The following ATRX variants were observed in gnomAD, a reference collection of about 807,000 sequenced individuals.
The protein encoded by ATRX is chromatin remodeler ATRX.
A neutral mutation model predicts 172.6 loss-of-function variants in ATRX; 12 were observed. The ratio of observed to expected loss-of-function variants is 0.07; its 90% confidence interval spans 0.04 to 0.11. ATRX has a LOEUF of 0.11. ATRX is among the 10% of genes least tolerant of loss of function. ATRX has a pLI of 1.00. For missense variants in ATRX, 1,368 were observed against 1,767.4 expected, an observed-to-expected ratio of 0.77 and a Z score of 4.05; for synonymous variants, 674 against 594.7, an observed-to-expected ratio of 1.13 and a Z score of -1.94.
rs375308293 is a variant in ATRX at position 77,540,976 on chromosome X, T to A, written c.6699+16475A>T. Among the ~76,000 whole-genome samples the A allele has an allele frequency of 2.8e-4, 31 of 110,995 alleles. 2 individuals carry two copies. Among genetic ancestry groups the A allele is most frequent in the Admixed American group, 2.2e-3 (23 of 10,333 alleles). On this transcript the variant is annotated intron_variant, in intron 30 of 34. Transcript: ENST00000373344. ...GAAATAACTAAGATCAGAGAAGAGC[T>A]GAAGGAGATAGAGACATAAAAAAAC...
chrX:77,522,395 A>C lies in ATRX; in HGVS notation c.6850-7T>G. Reference sequence around the variant, plus strand: ...TGAAACGCATGGTCAGTCCCTAAAAACAAAAAAATTATGCACTTTTCACAT... The same window carrying C: ...TGAAACGCATGGTCAGTCCCTAAAACCAAAAAAATTATGCACTTTTCACAT... On this transcript the variant is annotated splice_region_variant and splice_polypyrimidine_tract_variant and intron_variant, in intron 31 of 34. Transcript: ENST00000373344. The C allele has an allele frequency of 8.3e-7, 1 of 1,209,448 alleles. No individual in the cohort carries two copies. Among genetic ancestry groups the C allele is most frequent in the Non-Finnish European group, 1.1e-6 (1 of 893,838 alleles).
At position 77,506,717 on chromosome X, in the gene ATRX, G is replaced by A. The variant is rs1489469832; in HGVS notation, c.*1634C>T. 1 of 172,454 alleles carries A rather than the reference G, an allele frequency of 5.8e-6. No individual in the cohort carries two copies. The highest frequency in any genetic ancestry group is 1.1e-5 in the Non-Finnish European group (1 of 90,936). 14.2% of individuals were successfully genotyped at this position (172,454 alleles called of 1,213,427 possible). On this transcript the variant is annotated 3_prime_UTR_variant, in exon 35 of 35. Coordinates refer to ENST00000373344, the MANE Select transcript of ATRX (RefSeq NM_000489.6). ...TGGGAAAGTGGGGGAGAGGGGCGTGGATCCACCAAACCTCACAAATTCTGT... is the reference window on the plus strand; with the variant it reads ...TGGGAAAGTGGGGGAGAGGGGCGTGAATCCACCAAACCTCACAAATTCTGT...
chrX:77,589,922 G>A lies in ATRX; in HGVS notation c.6129C>T (p.Ser2043=), dbSNP rs2066172590. 1 of 1,206,168 alleles carries A rather than the reference G, an allele frequency of 8.3e-7. No individual in the cohort carries two copies. Among genetic ancestry groups the A allele is most frequent in the Middle Eastern group, 2.3e-4 (1 of 4,276 alleles). Reference sequence around the variant, plus strand: ...CTTCAATCAAGTCCAGAGATATGAGGGACTGGCTGAAAACAAGGCTAAAAA... The same window carrying A: ...CTTCAATCAAGTCCAGAGATATGAGAGACTGGCTGAAAACAAGGCTAAAAA... The part of the protein sequence containing the change: ...IGDKVLVFSQ[S]LISLDLIEDF... Residue 2043 remains serine (S), a synonymous_variant, in exon 27 of 35, where the codon TCC becomes TCT. Transcript: ENST00000373344.
At chrX:77,650,032 C>T (rs535745603) in intron 15 of ATRX, among the ~76,000 whole-genome samples, 54 of 112,241 alleles carry the variant, frequency 4.8e-4, no homozygotes, top group South Asian at 2.6e-3. Flanking sequence ...ATTCATGTAA[C>T]AGGAGACAAA....
intron 10 of ATRX, chrX:77,675,546 T>C (rs1557132946): frequency 9.0e-6 from 1 of 111,591 alleles, no homozygotes; most frequent in Admixed American, 9.5e-5. Context: ...TTGTTTTCCT[T>C]ATTCTTCACT....
chrX:77,580,298 A>G (rs1557073219), intron 27 of ATRX, among the ~76,000 whole-genome samples: 1 of 111,924 alleles, frequency 8.9e-6, no homozygotes, highest in East Asian at 2.8e-4. Context: ...GAAAGATACT[A>G]ATATTCAAGT....
intron 1 of ATRX, among the ~76,000 whole-genome samples, chrX:77,726,093 T>A (rs2074020315): frequency 1.8e-5 from 2 of 111,564 alleles, no homozygotes; most frequent in Admixed American, 9.5e-5. Context: ...GAACTAGAAA[T>A]ACCATTTGAC....
At chrX:77,766,680 G>T (rs1346245882) in intron 1 of ATRX, among the ~76,000 whole-genome samples, 3 of 104,367 alleles carry the variant, frequency 2.9e-5, no homozygotes, top group Non-Finnish European at 5.9e-5. Flanking sequence ...GGGAAAAGGC[G>T]CTCCTCACTT....
chrX:77,771,537 A>C (rs2076153226), intron 1 of ATRX, among the ~76,000 whole-genome samples: 1 of 109,742 alleles, frequency 9.1e-6, no homozygotes. Flanking sequence ...ACCACCTAGA[A>C]TATTTCCCCC....
At chrX:77,550,862 T>A (rs1351787095) in intron 30 of ATRX, among the ~76,000 whole-genome samples, 4 of 110,886 alleles carry the variant, frequency 3.6e-5, no homozygotes, top group Admixed American at 9.6e-5. Context: ...ACTCCCATTC[T>A]CAGTTGCTTC....
Position 77,623,075 on chromosome X carries a change from GAAACA to G in ATRX, c.5135-2548_5135-2544del, listed in dbSNP as rs782440629. Among the ~76,000 whole-genome samples the G allele has an allele frequency of 9.9e-5, 11 of 111,106 alleles. No individual in the cohort carries two copies. The East Asian group carries it at 2.6e-3, about 26-fold the overall frequency. ...GATCAGAGCAGTACTAAATGAAATT[GAAACA>G]AAACAAAACAAAAAATACAAAAGAT... On this transcript the variant is annotated intron_variant, in intron 19 of 34. Transcript: ENST00000373344.
chrX:77,756,616 C>A (rs782092353), intron 1 of ATRX, among the ~76,000 whole-genome samples: 1 of 109,938 alleles, frequency 9.1e-6, no homozygotes, highest in Non-Finnish European at 1.9e-5. Flanking sequence ...CTTGCACTTC[C>A]GGGAGAGGCG....
intron 27 of ATRX, among the ~76,000 whole-genome samples, chrX:77,579,071 G>C (rs1426883912): frequency 8.9e-6 from 1 of 112,787 alleles, no homozygotes; most frequent in African/African-American, 3.2e-5. Flanking sequence ...GGAAAAGAAA[G>C]AGAAGAGTAG....
intron 6 of ATRX, chrX:77,690,921 C>T (rs1557146712): frequency 3.6e-5 from 4 of 111,637 alleles, no homozygotes; most frequent in African/African-American, 1.3e-4. Context: ...ATATTCACCA[C>T]AGCACTAATT....
chrX:77,529,753 T>C (rs1301888726), intron 30 of ATRX, among the ~76,000 whole-genome samples: 5 of 111,657 alleles, frequency 4.5e-5, no homozygotes, highest in Non-Finnish European at 9.4e-5. Flanking sequence ...CACAAACAAG[T>C]CTGCAAAATA....
intron 22 of ATRX, among the ~76,000 whole-genome samples, chrX:77,615,805 T>G (rs1322282740): frequency 1.8e-5 from 2 of 111,102 alleles, no homozygotes; most frequent in African/African-American, 3.3e-5. Context: ...TGTGTGTACG[T>G]ACTTCCATCC....
chrX:77,607,048 G>T (rs1467669573), intron 22 of ATRX, among the ~76,000 whole-genome samples: 2 of 111,494 alleles, frequency 1.8e-5, no homozygotes, highest in African/African-American at 6.5e-5. Flanking sequence ...GGAAAAAACT[G>T]AAAGTCTTTG....
intron 22 of ATRX, among the ~76,000 whole-genome samples, chrX:77,604,806 T>C (rs2066837937): frequency 8.9e-6 from 1 of 112,617 alleles, no homozygotes; most frequent in South Asian, 3.6e-4. Context: ...CACAGTGGAA[T>C]ACTATTTGGC....
At chrX:77,725,715 T>C (rs782320431) in intron 1 of ATRX, among the ~76,000 whole-genome samples, 28 of 111,883 alleles carry the variant, frequency 2.5e-4, no homozygotes, top group Non-Finnish European at 4.0e-4. Flanking sequence ...ATTTTTGCAA[T>C]CTACTCATCT....
Sources: allele counts gnomAD v4.1 joint callset (sites outside exome capture counted in the v4.1 genomes callset), GRCh38; gene constraint gnomAD v4.1.1; transcripts MANE v1.5; gene names NCBI Gene and HGNC (gene_info 2026-07-23, HGNC 2026-07-21).